Variants in SUCLG2 observed in about 807,000 individuals in gnomAD.
SUCLG2 encodes the protein succinate-CoA ligase GDP-forming subunit beta.
A neutral mutation model predicts 47.9 loss-of-function variants in SUCLG2; 42 were observed. The ratio of observed to expected loss-of-function variants is 0.88; its 90% confidence interval spans 0.69 to 1.14. SUCLG2 has a LOEUF of 1.14. Ranked by LOEUF, SUCLG2 falls within the 50% of genes most tolerant of loss-of-function variation. The pLI, the probability that SUCLG2 is intolerant of heterozygous loss-of-function variation, is 0.00. For missense variants in SUCLG2, 571 were observed against 525.9 expected, an observed-to-expected ratio of 1.09 and a Z score of -0.84; for synonymous variants, 195 against 197.3, an observed-to-expected ratio of 0.99 and a Z score of 0.10.
chr3:67,604,168 C>T (rs11919414), intron 2 of SUCLG2, among the ~76,000 whole-genome samples: 71,988 of 151,882 alleles, frequency 0.47, 17,723 homozygotes, highest in African/African-American at 0.6. Flanking sequence ...AAAATGTATG[C>T]ATTACCCATT....
intron 9 of SUCLG2, among the ~76,000 whole-genome samples, chr3:67,441,240 A>T (rs1703756137): frequency 6.6e-6 from 1 of 151,588 alleles, no homozygotes; most frequent in Non-Finnish European, 1.5e-5. Flanking sequence ...CTGGGGGGCT[A>T]GGGGAGGGAT....
At chr3:67,481,361 C>T (rs1383862848) in intron 9 of SUCLG2, among the ~76,000 whole-genome samples, 1 of 152,246 alleles carries the variant, frequency 6.6e-6, no homozygotes, top group Non-Finnish European at 1.5e-5. Context: ...TTCTTGGTCA[C>T]AACTTCTTAA....
At chr3:67,399,121 G>T (rs113639649) in intron 10 of SUCLG2, among the ~76,000 whole-genome samples, 7,964 of 146,594 alleles carry the variant, frequency 0.054, 252 homozygotes, top group Middle Eastern at 0.12. Context: ...TGTATACATA[G>T]GTAACTAACC....
intron 2 of SUCLG2, among the ~76,000 whole-genome samples, chr3:67,589,159 G>A (rs545153017): frequency 6.6e-6 from 1 of 152,174 alleles, no homozygotes; most frequent in Non-Finnish European, 1.5e-5. Context: ...CAGCTGTTGA[G>A]CATTCACATC....
chr3:67,458,711 C>A (rs1382330783), intron 9 of SUCLG2, among the ~76,000 whole-genome samples: 1 of 152,154 alleles, frequency 6.6e-6, no homozygotes, highest in Non-Finnish European at 1.5e-5. Context: ...ACTGCCCAGG[C>A]CATCTGAGTA....
chr3:67,563,031 T>A (rs1400522951), intron 2 of SUCLG2, among the ~76,000 whole-genome samples: 1 of 150,750 alleles, frequency 6.6e-6, no homozygotes, highest in Non-Finnish European at 1.5e-5. Context: ...GCTTAGGAAT[T>A]ATAATGTGTA....
intron 1 of SUCLG2, among the ~76,000 whole-genome samples, chr3:67,610,935 AG>A (rs1350422893): frequency 6.6e-6 from 1 of 152,236 alleles, no homozygotes. Flanking sequence ...ACTAAAGGGT[AG>A]AAAGTGTGCC....
chr3:67,364,288 T>G (rs1254402562), intron 10 of SUCLG2, among the ~76,000 whole-genome samples: 2 of 152,120 alleles, frequency 1.3e-5, no homozygotes, highest in Non-Finnish European at 2.9e-5. Flanking sequence ...GTAACAAGAC[T>G]TCCCACCTCC....
intron 4 of SUCLG2, among the ~76,000 whole-genome samples, chr3:67,526,262 C>T (rs1470205776): frequency 6.6e-6 from 1 of 152,172 alleles, no homozygotes; most frequent in Non-Finnish European, 1.5e-5. Context: ...ACATAAAATA[C>T]ACTAACACTA....
Position 67,570,329 on chromosome 3 carries a change from C to T in SUCLG2, c.226+39126G>A, listed in dbSNP as rs866603589. The stretch of plus-strand genomic sequence containing the variant: ...CCCTGAATTGCCAGTCCTGTGGCAA[C>T]GTACCACACTACTTCATCTACAAAT... On this transcript the variant is annotated intron_variant, in intron 2 of 10. Transcript: ENST00000307227. 1.2e-4 allele frequency among the ~76,000 whole-genome samples: 19 copies of T among 152,342 alleles called. No homozygotes were observed. In the South Asian group the frequency reaches 2.5e-3, roughly 20 times the overall value.
intron 6 of SUCLG2, among the ~76,000 whole-genome samples, chr3:67,515,094 G>A (rs1041835392): frequency 5.9e-5 from 9 of 152,124 alleles, no homozygotes; most frequent in African/African-American, 1.4e-4. Context: ...TCACATCATC[G>A]CAAGAAGGGT....
At chr3:67,611,766 T>C (rs1361009209) in intron 1 of SUCLG2, among the ~76,000 whole-genome samples, 1 of 152,192 alleles carries the variant, frequency 6.6e-6, no homozygotes, top group Non-Finnish European at 1.5e-5. Flanking sequence ...ATTTTAGATA[T>C]GTTAATGCAA....
intron 2 of SUCLG2, among the ~76,000 whole-genome samples, chr3:67,532,917 G>A (rs920111602): frequency 6.6e-6 from 1 of 151,946 alleles, no homozygotes; most frequent in African/African-American, 2.4e-5. Flanking sequence ...AATTTTTATA[G>A]ATCCCCAATA....
At chr3:67,462,090 C>A (rs1184660465) in intron 9 of SUCLG2, among the ~76,000 whole-genome samples, 1 of 152,000 alleles carries the variant, frequency 6.6e-6, no homozygotes, top group African/African-American at 2.4e-5. Context: ...CTCATAACTC[C>A]CACAGCTCCT....
At chr3:67,555,270 C>T (rs1178207966) in intron 2 of SUCLG2, among the ~76,000 whole-genome samples, 5 of 152,004 alleles carry the variant, frequency 3.3e-5, no homozygotes, top group Non-Finnish European at 7.4e-5. Context: ...CACAGGTAGA[C>T]AAATAAATGG....
chr3:67,472,261 T>C lies in SUCLG2; in HGVS notation c.1062+23537A>G, dbSNP rs193160794. Among the ~76,000 whole-genome samples the C allele has an allele frequency of 3.9e-3, 592 of 152,324 alleles. 4 individuals are homozygous for C. The highest frequency in any genetic ancestry group is 0.013 in the African/African-American group (523 of 41,584). Reference sequence around the variant, plus strand: ...CTAAAAAATTCACATGTCCATATTTTACTACTGACTTGTACATTAAAAAAT... The same window carrying C: ...CTAAAAAATTCACATGTCCATATTTCACTACTGACTTGTACATTAAAAAAT... On this transcript the variant is annotated intron_variant, in intron 9 of 10. Transcript: ENST00000307227.
At chr3:67,632,491 AT>A in intron 1 of SUCLG2, among the ~76,000 whole-genome samples, 1 of 152,146 alleles carries the variant, frequency 6.6e-6, no homozygotes, top group East Asian at 1.9e-4. Context: ...CCCAAAGCTC[AT>A]TTTTTAATGA....
intron 9 of SUCLG2, 61 bp downstream of exon 9, chr3:67,495,737 G>T: frequency 6.3e-7 from 1 of 1,593,116 alleles, no homozygotes; most frequent in South Asian, 1.1e-5. Flanking sequence ...AAGAACAAGT[G>T]AGCTCTTGAC....
intron 2 of SUCLG2, among the ~76,000 whole-genome samples, chr3:67,543,043 T>C (rs773353338): frequency 3.9e-5 from 6 of 152,196 alleles, no homozygotes; most frequent in Non-Finnish European, 7.3e-5. Context: ...ATTGTACTTA[T>C]TCCAAAACTG....
Sources: gnomAD v4.1 joint callset for allele counts (sites outside exome capture counted in the v4.1 genomes callset) on GRCh38, gnomAD v4.1.1 for gene constraint, MANE v1.5 for transcripts, NCBI Gene and HGNC (gene_info 2026-07-23, HGNC 2026-07-21) for gene names.